Variants in MYRIP observed in about 807,000 individuals in gnomAD.
MYRIP encodes the protein rab effector MyRIP.
A neutral mutation model predicts 98.0 loss-of-function variants in MYRIP; 49 were observed. The ratio of observed to expected loss-of-function variants is 0.50; its 90% CI spans 0.40 to 0.63. MYRIP has a LOEUF of 0.63. Among genes scored for constraint, MYRIP ranks in the 30% least tolerant of loss-of-function variants. The pLI is 0.00. For missense variants in MYRIP, 1,004 were observed against 1,058.2 expected, an observed-to-expected ratio of 0.95 and a Z score of 0.71; for synonymous variants, 404 against 409.5, an observed-to-expected ratio of 0.99 and a Z score of 0.16.
At chr3:39,947,681 TCACTTGAACCTGGTAATTTGAGGCTA>T (rs1944933467) in intron 2 of MYRIP, among the ~76,000 whole-genome samples, 1 of 152,100 alleles carries the variant, frequency 6.6e-6, no homozygotes, top group Non-Finnish European at 1.5e-5. Flanking sequence ...GGTGGGAGCA[TCACTTGAACCTGGTAATTTGAGGCTA>T]CACTGAGCTA....
In MYRIP at chr3:39,976,022, T is replaced by C. The variant is rs549580740; in HGVS notation, c.111-68028T>C. On this transcript the variant is annotated intron_variant, in intron 2 of 16. Transcript: ENST00000302541. ...TTCATGTCTAAAACACCAAAAGCAA[T>C]GGCAACAAAAGCCAAAATTGACAAA... is the stretch of plus-strand genomic sequence containing the variant. Among the ~76,000 whole-genome samples, 10 of 152,190 alleles carry C rather than the reference T, an allele frequency of 6.6e-5. No homozygotes were observed. The East Asian group carries it at 1.9e-3, about 29-fold the overall frequency.
Position 40,049,957 on chromosome 3 carries a change from G to A in MYRIP, c.332+5686G>A, listed in dbSNP as rs184120066. 2.0e-5 allele frequency among the ~76,000 whole-genome samples: 3 copies of A among 152,298 alleles called. No homozygotes were observed. In the East Asian group the frequency reaches 5.8e-4, roughly 29 times the overall value. On this transcript the variant is annotated intron_variant, in intron 3 of 16. Transcript: ENST00000302541. ...AGGCCCTATTCTTCTTCTATTCTGT[G>A]AAGACTGAGAGAGGTGAGGAAGCTG...
intron 2 of MYRIP, among the ~76,000 whole-genome samples, chr3:39,965,968 T>G (rs889322584): frequency 1.3e-5 from 2 of 152,144 alleles, no homozygotes; most frequent in African/African-American, 4.8e-5. Context: ...AAATACACAT[T>G]GTGAAAGTGA....
intron 2 of MYRIP, among the ~76,000 whole-genome samples, chr3:40,013,768 G>A (rs1044652113): frequency 2.0e-5 from 3 of 152,174 alleles, no homozygotes; most frequent in Non-Finnish European, 2.9e-5. Flanking sequence ...GCAACTAAAT[G>A]GAATCAGCAT....
At chr3:40,162,687 T>C (rs1714414) in intron 4 of MYRIP, 43 bp from the exon 5 acceptor site, 760,890 of 1,561,930 alleles carry the variant, frequency 0.49, 188,651 homozygotes, top group Admixed American at 0.55. Context: ...TGAAGACCTT[T>C]GATAATCATA....
At position 40,189,944 on chromosome 3, in the gene MYRIP, G is replaced by T. The variant is rs371732599; in HGVS notation, c.1146G>T (p.Val382=). 1.5e-5 allele frequency: 25 copies of T among 1,614,162 alleles called. No individual in the cohort carries two copies. Among genetic ancestry groups the T allele is most frequent in the Non-Finnish European group, 2.0e-5 (24 of 1,180,028 alleles). ...PKSGTFQALE[V]ASSVASAYDE... ...GCGGGACGTTTCAGGCCCTGGAGGT[G>T]GCCTCCAGTGTGGCATCTGCCTACG... The change falls in exon 10 of 17, where the codon GTG becomes GTT. Residue 382 remains valine, a synonymous_variant. Coordinates refer to ENST00000302541, the MANE Select transcript of MYRIP (RefSeq NM_015460.4).
chr3:40,132,718 G>A (rs543577859), intron 3 of MYRIP, among the ~76,000 whole-genome samples: 5 of 152,224 alleles, frequency 3.3e-5, no homozygotes, highest in African/African-American at 1.2e-4. Context: ...CCACCCAGAG[G>A]GTTGCCCCTT....
At chr3:39,972,007 T>C (rs1398471773) in intron 2 of MYRIP, among the ~76,000 whole-genome samples, 1 of 152,120 alleles carries the variant, frequency 6.6e-6, no homozygotes, top group Non-Finnish European at 1.5e-5. Context: ...AGTAAAATTA[T>C]AATTGACGCT....
chr3:40,056,160 G>A (rs1433708089), intron 3 of MYRIP, among the ~76,000 whole-genome samples: 1 of 152,172 alleles, frequency 6.6e-6, no homozygotes, highest in African/African-American at 2.4e-5. Flanking sequence ...CCATGCCTGG[G>A]CATTCTTTCC....
chr3:40,074,583 A>G (rs1192181257), intron 3 of MYRIP, among the ~76,000 whole-genome samples: 1 of 152,204 alleles, frequency 6.6e-6, no homozygotes, highest in Non-Finnish European at 1.5e-5. Flanking sequence ...TCAAAAAGTA[A>G]CAGTAAAATA....
intron 2 of MYRIP, among the ~76,000 whole-genome samples, chr3:39,924,812 G>T (rs1447598980): frequency 2.0e-5 from 3 of 151,566 alleles, no homozygotes; most frequent in African/African-American, 4.8e-5. Context: ...AAAATAAACA[G>T]GAAAAATCTA....
chr3:40,035,893 A>T (rs927492994), intron 2 of MYRIP, among the ~76,000 whole-genome samples: 4 of 152,034 alleles, frequency 2.6e-5, no homozygotes, highest in Non-Finnish European at 5.9e-5. Context: ...AAAAGGATTA[A>T]ATAGTAGAGA....
At chr3:40,032,715 A>G (rs1553606814) in intron 2 of MYRIP, among the ~76,000 whole-genome samples, 1 of 152,164 alleles carries the variant, frequency 6.6e-6, no homozygotes, top group Non-Finnish European at 1.5e-5. Flanking sequence ...TCCCTAACTC[A>G]TTTTATGAGG....
At chr3:40,022,717 G>C (rs537274349) in intron 2 of MYRIP, among the ~76,000 whole-genome samples, 1 of 152,138 alleles carries the variant, frequency 6.6e-6, no homozygotes, top group African/African-American at 2.4e-5. Context: ...TGCAGAATGG[G>C]TAGGATTTAA....
At chr3:39,994,460 T>G (rs1455685371) in intron 2 of MYRIP, among the ~76,000 whole-genome samples, 3 of 152,174 alleles carry the variant, frequency 2.0e-5, no homozygotes. Flanking sequence ...CAGTCTGAGA[T>G]CAAACTGCAA....
At chr3:39,980,598 T>C (rs910104679) in intron 2 of MYRIP, among the ~76,000 whole-genome samples, 8 of 152,316 alleles carry the variant, frequency 5.3e-5, no homozygotes, top group Admixed American at 5.2e-4. Context: ...ATCAGGGGGA[T>C]CTGGTGCCTG....
Position 39,974,418 on chromosome 3 carries a change from C to A in MYRIP, c.111-69632C>A, listed in dbSNP as rs533663361. On this transcript the variant is annotated intron_variant, in intron 2 of 16. Transcript: ENST00000302541. Reference sequence around the variant, plus strand: ...ATTCAGGCAATAATTAATAGCTTACCAACCAAAAAAAGTCCAGGACCAGAT... The same window carrying A: ...ATTCAGGCAATAATTAATAGCTTACAAACCAAAAAAAGTCCAGGACCAGAT... 1.8e-4 allele frequency among the ~76,000 whole-genome samples: 27 copies of A among 152,080 alleles called. No homozygotes were observed. The East Asian group carries it at 4.8e-3, about 27-fold the overall frequency.
chr3:40,255,781 A>G (rs543307546), intron 16 of MYRIP, among the ~76,000 whole-genome samples: 248 of 152,376 alleles, frequency 1.6e-3, no homozygotes, highest in African/African-American at 5.8e-3. Context: ...CCCATAAATA[A>G]ATACAAATTA....
In MYRIP at chr3:40,081,227, G is replaced by A. The variant is rs549937341; in HGVS notation, c.332+36956G>A. Reference sequence around the variant, plus strand: ...ATATTCATGAATTTTTGAGTACAGTGTCTTATGTATGATCTTTAGATCAAG... The same window carrying A: ...ATATTCATGAATTTTTGAGTACAGTATCTTATGTATGATCTTTAGATCAAG... On this transcript the variant is annotated intron_variant, in intron 3 of 16. Coordinates refer to ENST00000302541, the MANE Select transcript of MYRIP (RefSeq NM_015460.4). Among the ~76,000 whole-genome samples the A allele has an allele frequency of 1.2e-3, 179 of 152,180 alleles. 2 individuals are homozygous for A. The South Asian group carries it at 0.035, about 29-fold the overall frequency.
Sources: gnomAD v4.1 joint callset for allele counts (sites outside exome capture counted in the v4.1 genomes callset) on GRCh38, gnomAD v4.1.1 for gene constraint, MANE v1.5 for transcripts, NCBI Gene and HGNC (gene_info 2026-07-23, HGNC 2026-07-21) for gene names.